VGLL4: variants seen among roughly 807,000 people sequenced by gnomAD.
VGLL4 encodes transcription cofactor vestigial-like protein 4.
A neutral mutation model predicts 21.0 loss-of-function variants in VGLL4; 7 were observed. That is an observed-to-expected ratio of 0.33 (90% CI 0.19 to 0.63). The LOEUF is 0.63. VGLL4 is among the 20% of genes least tolerant of loss of function. The pLI, the probability that VGLL4 is intolerant of heterozygous loss-of-function variation, is 0.78. For synonymous variants in VGLL4, 222 were observed against 173.2 expected (o/e 1.28, Z -2.21); for missense variants, 394 against 425.7 (o/e 0.93, Z 0.66).
chr3:11,694,027 T>C (rs2076569630), intron 2 of VGLL4, among the ~76,000 whole-genome samples: 1 of 152,124 alleles, frequency 6.6e-6, no homozygotes, highest in African/African-American at 2.4e-5. Flanking sequence ...ACCAGCTAAG[T>C]GTACCTGGGC....
At chr3:11,600,631 T>C (rs1017686031) in intron 2 of VGLL4, among the ~76,000 whole-genome samples, 7 of 152,076 alleles carry the variant, frequency 4.6e-5, no homozygotes, top group Non-Finnish European at 1.0e-4. Flanking sequence ...TCTGTCAGTG[T>C]CTTATGACTG....
chr3:11,685,952 A>C (rs182232458), intron 2 of VGLL4, among the ~76,000 whole-genome samples: 1 of 152,350 alleles, frequency 6.6e-6, no homozygotes, highest in Admixed American at 6.5e-5. Flanking sequence ...GCTCAACATC[A>C]CTAATCATTA....
intron 2 of VGLL4, among the ~76,000 whole-genome samples, chr3:11,590,132 G>A (rs192534269): frequency 1.3e-5 from 2 of 152,322 alleles, no homozygotes; most frequent in African/African-American, 4.8e-5. Context: ...GTTTCCCTTA[G>A]AGCATCTTGA....
intron 2 of VGLL4, chr3:11,702,573 G>A (rs550693196): frequency 1.3e-5 from 2 of 151,950 alleles, no homozygotes; most frequent in Non-Finnish European, 2.9e-5. Flanking sequence ...AGGTTGCAGT[G>A]AGCCGAGATT....
At chr3:11,610,987 A>C (rs2075050424) in intron 1 of VGLL4, among the ~76,000 whole-genome samples, 1 of 152,226 alleles carries the variant, frequency 6.6e-6, no homozygotes. Flanking sequence ...TCAAGGTCGC[A>C]AAGCTGATTA....
At position 11,565,037 on chromosome 3, in the gene VGLL4, G is replaced by C. The variant is rs1303167779; in HGVS notation, c.273-18C>G. 2 of 1,467,862 alleles carry C rather than the reference G, an allele frequency of 1.4e-6. No individual in the cohort carries two copies. The highest frequency in any genetic ancestry group is 9.0e-7 in the Non-Finnish European group (1 of 1,110,998). The allele number at this position is 1,467,862 out of a possible 1,614,324, so 90.9% of individuals were successfully genotyped here. A position where few individuals can be genotyped will look rare whatever the true frequency, so the allele number is the denominator to read the frequency against. Reference sequence around the variant, plus strand: ...TCTTGTTCCTGAAAAAGAGGAATGGGCATTCAGGGGGCGTTTTCTCAAAGG... The same window carrying C: ...TCTTGTTCCTGAAAAAGAGGAATGGCCATTCAGGGGGCGTTTTCTCAAAGG... On this transcript the variant is annotated intron_variant, in intron 2 of 4. Transcript: ENST00000430365. The surrounding 1 kb of genome is among the most constrained non-coding windows in gnomAD (Gnocchi z 4.1).
chr3:11,608,893 A>T (rs561269613), intron 1 of VGLL4, among the ~76,000 whole-genome samples: 2 of 152,130 alleles, frequency 1.3e-5, no homozygotes, highest in East Asian at 3.9e-4. Flanking sequence ...ACGGAGTCTC[A>T]CTCTGTCGCC....
chr3:11,580,968 A>G (rs1223088303), intron 2 of VGLL4, among the ~76,000 whole-genome samples: 1 of 152,192 alleles, frequency 6.6e-6, no homozygotes, highest in Non-Finnish European at 1.5e-5. Context: ...TGTTAACAGC[A>G]ATACATATTG....
chr3:11,592,139 G>T lies in VGLL4; in HGVS notation c.272+9694C>A, dbSNP rs539140120. Among the ~76,000 whole-genome samples the T allele has an allele frequency of 9.8e-5, 15 of 152,368 alleles. No homozygotes were observed. In the East Asian group the frequency reaches 2.9e-3, roughly 29 times the overall value. On this transcript the variant is annotated intron_variant, in intron 2 of 4. Transcript: ENST00000430365. The stretch of plus-strand genomic sequence containing the variant: ...TAGTTTGAAGGATTCCATTCCATAG[G>T]CTTTGATTTATGAAATCTAGAGGGA...
chr3:11,667,842 C>CTTTTT (rs746416276), intron 2 of VGLL4, among the ~76,000 whole-genome samples: 103 of 69,348 alleles, frequency 1.5e-3, no homozygotes, highest in East Asian at 2.3e-3. Flanking sequence ...CTATCTTCTT[C>CTTTTT]TTTTTTTTTT....
At position 11,691,831 on chromosome 3, in the gene VGLL4, C is replaced by T. The variant is rs886366933; in HGVS notation, c.64+11140G>A. On this transcript the variant is annotated intron_variant, in intron 2 of 5. Coordinates refer to the VGLL4 transcript ENST00000273038. ...ACATTTTAGGAGGGGCACTGCCAAG[C>T]CTGAGTAGGTAAAGACAGCAATGAG... is the stretch of plus-strand genomic sequence containing the variant. Among the ~76,000 whole-genome samples, 10 of 151,990 alleles carry T rather than the reference C, an allele frequency of 6.6e-5. 1 individual carries two copies. The highest frequency in any genetic ancestry group is 4.6e-4 in the Admixed American group (7 of 15,262).
intron 2 of VGLL4, among the ~76,000 whole-genome samples, chr3:11,574,281 G>C (rs915761758): frequency 2.6e-5 from 4 of 152,148 alleles, no homozygotes; most frequent in Non-Finnish European, 5.9e-5. Context: ...CTTTATCTAT[G>C]ATCAACCTAA....
intron 2 of VGLL4, among the ~76,000 whole-genome samples, chr3:11,669,701 A>G (rs1370729782): frequency 1.3e-5 from 2 of 151,906 alleles, no homozygotes; most frequent in African/African-American, 2.4e-5. Flanking sequence ...TTTTATAGAC[A>G]CAGGGTATCG....
chr3:11,561,755 T>G (rs7621843), intron 3 of VGLL4, among the ~76,000 whole-genome samples: 36,659 of 151,916 alleles, frequency 0.24, 5,578 homozygotes, highest in African/African-American at 0.42. Context: ...GCAGGGCCAG[T>G]ATGAGCCCTG....
Position 11,590,663 on chromosome 3 carries a change from AGTGTGTGTGT to A in VGLL4, c.272+11160_272+11169del, listed in dbSNP as rs10592668. 1.9e-3 allele frequency among the ~76,000 whole-genome samples: 286 copies of A among 147,376 alleles called. 1 individual carries two copies. The highest frequency in any genetic ancestry group is 9.9e-3 in the East Asian group (49 of 4,952). On this transcript the variant is annotated intron_variant, in intron 2 of 4. Coordinates refer to ENST00000430365, the MANE Select transcript of VGLL4 (RefSeq NM_001128219.3). ...TCTGTGAAGAAATTTCAAAATGAAG[AGTGTGTGTGT>A]GTGTGTGTGTGTGTGTGTGTGTGTG...
chr3:11,621,958 A>G (rs1214243881), intron 1 of VGLL4, among the ~76,000 whole-genome samples: 1 of 152,176 alleles, frequency 6.6e-6, no homozygotes, highest in East Asian at 1.9e-4. Flanking sequence ...AGAATTGTCT[A>G]TTCAAATCCT....
At chr3:11,599,314 G>C (rs1214810168) in intron 2 of VGLL4, among the ~76,000 whole-genome samples, 1 of 151,426 alleles carries the variant, frequency 6.6e-6, no homozygotes, top group African/African-American at 2.4e-5. Flanking sequence ...GAAAAATGAG[G>C]GGGGAGTCAC....
intron 2 of VGLL4, among the ~76,000 whole-genome samples, chr3:11,692,390 T>G (rs1171512027): frequency 6.6e-6 from 1 of 152,230 alleles, no homozygotes; most frequent in Non-Finnish European, 1.5e-5. Context: ...GAGAATGGCT[T>G]AAATAAGCAC....
chr3:11,593,511 G>GTT (rs1217537503), intron 2 of VGLL4, among the ~76,000 whole-genome samples: 1 of 152,130 alleles, frequency 6.6e-6, no homozygotes, highest in Non-Finnish European at 1.5e-5. Flanking sequence ...TTTTGAGTTT[G>GTT]TTTTTCCCTC....
Sources: allele counts gnomAD v4.1 joint callset (sites outside exome capture counted in the v4.1 genomes callset), GRCh38; gene constraint gnomAD v4.1.1; non-coding constraint Gnocchi (gnomAD v3.1); transcripts MANE v1.5; gene names NCBI Gene and HGNC (gene_info 2026-07-23, HGNC 2026-07-21).